Variants in PCDH9 observed in about 807,000 individuals in gnomAD.
PCDH9 encodes the protein protocadherin-9.
In PCDH9, 24 loss-of-function variants were observed where a neutral mutation model predicts 70.6. The observed-to-expected ratio is 0.34, with a 90% CI of 0.25 to 0.48. PCDH9 has a LOEUF of 0.48. Among genes scored for constraint, PCDH9 ranks in the 20% least tolerant of loss-of-function variants. The probability of loss-of-function intolerance (pLI) is 0.99; values close to 1 mark genes in which losing one functional copy is unlikely to be tolerated. For synonymous variants in PCDH9, 562 were observed against 558.5 expected (o/e 1.01, Z -0.09); for missense variants, 1,281 against 1,503.6 (o/e 0.85, Z 2.45).
At chr13:66,732,189 T>A (rs1252170143) in intron 3 of PCDH9, among the ~76,000 whole-genome samples, 1 of 152,024 alleles carries the variant, frequency 6.6e-6, no homozygotes, top group Non-Finnish European at 1.5e-5. Context: ...CATATTTTGA[T>A]ACCTGTGTAA....
At chr13:66,874,747 T>C (rs2081766480) in intron 3 of PCDH9, among the ~76,000 whole-genome samples, 1 of 152,164 alleles carries the variant, frequency 6.6e-6, no homozygotes. Context: ...TTTAACAAGA[T>C]AAGACGCATT....
chr13:67,138,208 A>C (rs2087283059), intron 2 of PCDH9, among the ~76,000 whole-genome samples: 1 of 152,186 alleles, frequency 6.6e-6, no homozygotes, highest in Non-Finnish European at 1.5e-5. Context: ...CCTCCTATAC[A>C]AAATGGCAAA....
intron 4 of PCDH9, among the ~76,000 whole-genome samples, chr13:66,371,344 T>C (rs1566276047): frequency 3.3e-5 from 5 of 152,068 alleles, no homozygotes; most frequent in Admixed American, 1.3e-4. Context: ...TTTTCTTGGA[T>C]GGTTGGATAT....
intron 4 of PCDH9, among the ~76,000 whole-genome samples, chr13:66,463,177 A>G (rs985173962): frequency 2.6e-5 from 4 of 151,826 alleles, no homozygotes; most frequent in African/African-American, 7.2e-5. Context: ...ATATATGCCT[A>G]TCCCTCCCTA....
intron 4 of PCDH9, among the ~76,000 whole-genome samples, chr13:66,526,591 G>C (rs914777890): frequency 5.3e-5 from 8 of 151,598 alleles, no homozygotes; most frequent in African/African-American, 1.9e-4. Flanking sequence ...ACAAATATTT[G>C]TCAGTTCACC....
At chr13:66,549,093 A>C (rs1961350439) in intron 4 of PCDH9, among the ~76,000 whole-genome samples, 1 of 152,102 alleles carries the variant, frequency 6.6e-6, no homozygotes, top group African/African-American at 2.4e-5. Context: ...TTTTCCTCTG[A>C]CATATGTTTC....
At chr13:66,380,532 T>G (rs1956827741) in intron 4 of PCDH9, among the ~76,000 whole-genome samples, 1 of 139,942 alleles carries the variant, frequency 7.1e-6, no homozygotes, top group Admixed American at 8.4e-5. Flanking sequence ...GAATAGATCT[T>G]GTCCTTTTTT....
At chr13:66,492,205 G>C (rs1244220328) in intron 4 of PCDH9, among the ~76,000 whole-genome samples, 1 of 151,952 alleles carries the variant, frequency 6.6e-6, no homozygotes, top group African/African-American at 2.4e-5. Flanking sequence ...TGTTGTGATT[G>C]ACACAATCAA....
At chr13:66,700,157 A>T (rs901227167) in intron 3 of PCDH9, among the ~76,000 whole-genome samples, 8 of 142,546 alleles carry the variant, frequency 5.6e-5, no homozygotes, top group Non-Finnish European at 1.3e-4. Context: ...CTGTATTGCC[A>T]ACACTAATCA....
Position 66,476,113 on chromosome 13 carries a change from G to C in PCDH9, c.3340+155097C>G, listed in dbSNP as rs549470449. On this transcript the variant is annotated intron_variant, in intron 4 of 4. Coordinates refer to ENST00000377865, the MANE Select transcript of PCDH9 (RefSeq NM_203487.3). The stretch of plus-strand genomic sequence containing the variant: ...AAAGGTCTTCTTAAATATTTTCTAA[G>C]ACAAATGCCCTAGAATCATACCTGA... Among the ~76,000 whole-genome samples the C allele has an allele frequency of 3.3e-5, 5 of 152,130 alleles. No homozygotes were observed. The South Asian group carries it at 1.0e-3, about 32-fold the overall frequency.
At chr13:66,514,316 A>G (rs1461412927) in intron 4 of PCDH9, among the ~76,000 whole-genome samples, 3 of 152,082 alleles carry the variant, frequency 2.0e-5, no homozygotes, top group Non-Finnish European at 4.4e-5. Context: ...ATATTGGGAT[A>G]TTCACCTTGT....
intron 2 of PCDH9, among the ~76,000 whole-genome samples, chr13:66,942,332 C>T (rs936303588): frequency 2.0e-5 from 3 of 151,318 alleles, no homozygotes; most frequent in South Asian, 4.2e-4. Flanking sequence ...AAACAGAAAG[C>T]AGAAAAACAA....
chr13:66,879,181 C>G (rs1173933443), intron 3 of PCDH9, among the ~76,000 whole-genome samples: 4 of 152,038 alleles, frequency 2.6e-5, no homozygotes, highest in African/African-American at 9.7e-5. Context: ...AATAAAAAAT[C>G]TATATATATG....
chr13:66,356,662 C>T (rs1014366091), intron 4 of PCDH9, among the ~76,000 whole-genome samples: 1 of 151,996 alleles, frequency 6.6e-6, no homozygotes, highest in East Asian at 1.9e-4. Flanking sequence ...TACAGTAGGA[C>T]CATCACAACA....
At chr13:66,419,266 A>G (rs747097578) in intron 4 of PCDH9, among the ~76,000 whole-genome samples, 1 of 152,196 alleles carries the variant, frequency 6.6e-6, no homozygotes, top group Non-Finnish European at 1.5e-5. Flanking sequence ...TTTCAGGCCA[A>G]TATCCCTGAT....
At chr13:66,429,645 G>T in intron 4 of PCDH9, among the ~76,000 whole-genome samples, 1 of 151,676 alleles carries the variant, frequency 6.6e-6, no homozygotes, top group East Asian at 1.9e-4. Flanking sequence ...AATCTAAGGG[G>T]AGGACATCAT....
intron 3 of PCDH9, among the ~76,000 whole-genome samples, chr13:66,853,309 T>C (rs959600071): frequency 1.3e-5 from 2 of 151,892 alleles, no homozygotes; most frequent in East Asian, 3.9e-4. Context: ...ATCTTTCTGG[T>C]CTCCATTCCT....
At chr13:66,823,348 G>A (rs61959202) in intron 3 of PCDH9, among the ~76,000 whole-genome samples, 8,447 of 151,604 alleles carry the variant, frequency 0.056, 322 homozygotes, top group Non-Finnish European at 0.088. Flanking sequence ...TGAGTCATGC[G>A]CAATTTTTTT....
chr13:66,977,229 T>A lies in PCDH9; in HGVS notation c.3037-73624A>T. On this transcript the variant is annotated intron_variant, in intron 2 of 4. Transcript: ENST00000377865. ...ATCTATATGCTTGACATTTGGGGGA[T>A]CTCGTCTAATTTTCAAAGGAAGAAG... 1.3e-5 allele frequency among the ~76,000 whole-genome samples: 2 copies of A among 152,050 alleles called. 1 individual carries two copies. Among genetic ancestry groups the A allele is most frequent in the African/African-American group, 4.8e-5 (2 of 41,398 alleles).
Sources: gnomAD v4.1 joint callset for allele counts (sites outside exome capture counted in the v4.1 genomes callset) on GRCh38, gnomAD v4.1.1 for gene constraint, MANE v1.5 for transcripts, NCBI Gene and HGNC (gene_info 2026-07-23, HGNC 2026-07-21) for gene names.